Variants in CLDN10 observed in about 807,000 individuals in gnomAD.
The protein encoded by CLDN10 is claudin-10.
CLDN10 carries 15 observed loss-of-function variants against 22.9 expected under a neutral mutation model. That is an observed-to-expected ratio of 0.65 (90% CI 0.44 to 1.01). The LOEUF is 1.01. Ranked by LOEUF, CLDN10 falls within the 50% of genes least tolerant of loss-of-function variation. The pLI, the probability that CLDN10 is intolerant of heterozygous loss-of-function variation, is 0.00. For missense variants in CLDN10, 247 were observed against 287.8 expected, an observed-to-expected ratio of 0.86 and a Z score of 1.03; for synonymous variants, 114 against 111.4, an observed-to-expected ratio of 1.02 and a Z score of -0.15.
intron 1 of CLDN10, among the ~76,000 whole-genome samples, chr13:95,449,976 C>CAA (rs1391697973): frequency 3.3e-5 from 5 of 151,934 alleles, no homozygotes; most frequent in Non-Finnish European, 5.9e-5. Flanking sequence ...ATCCCCTGAC[C>CAA]TTGTGATCCG....
chr13:95,465,712 T>C (rs2042576629), intron 1 of CLDN10, among the ~76,000 whole-genome samples: 1 of 152,210 alleles, frequency 6.6e-6, no homozygotes, highest in African/African-American at 2.4e-5. Context: ...TAAAAGTAGA[T>C]TTACAAAGAT....
chr13:95,474,367 G>A (rs1434447954), intron 1 of CLDN10, among the ~76,000 whole-genome samples: 1 of 152,224 alleles, frequency 6.6e-6, no homozygotes, highest in Admixed American at 6.5e-5. Flanking sequence ...GGGAGCAGCT[G>A]CAGATACAGA....
intron 1 of CLDN10, among the ~76,000 whole-genome samples, chr13:95,461,722 C>T (rs2042537868): frequency 6.6e-6 from 1 of 152,206 alleles, no homozygotes; most frequent in Admixed American, 6.5e-5. Flanking sequence ...TAAATCAAAG[C>T]TACCACTTGA....
At chr13:95,479,497 A>T (rs945610316) in intron 1 of CLDN10, 1 of 152,330 alleles carries the variant, frequency 6.6e-6, no homozygotes, top group Non-Finnish European at 1.5e-5. Flanking sequence ...GCTATTTTTT[A>T]AAAAATACTT....
chr13:95,487,669 A>C (rs1347972194), intron 1 of CLDN10, among the ~76,000 whole-genome samples: 2 of 152,064 alleles, frequency 1.3e-5, no homozygotes, highest in African/African-American at 4.8e-5. Flanking sequence ...TATGGTTCTA[A>C]GTTTTTCTAA....
chr13:95,465,737 T>A (rs945392504), intron 1 of CLDN10, among the ~76,000 whole-genome samples: 2 of 152,210 alleles, frequency 1.3e-5, no homozygotes, highest in African/African-American at 4.8e-5. Flanking sequence ...TCCACTAGAT[T>A]CAAAAAGATA....
chr13:95,443,002 TAC>T (rs2042339148), intron 1 of CLDN10, among the ~76,000 whole-genome samples: 1 of 152,242 alleles, frequency 6.6e-6, no homozygotes, highest in African/African-American at 2.4e-5. Flanking sequence ...AATGAATGTA[TAC>T]AGTGTGTTTT....
chr13:95,549,765 A>G (rs2043545393), upstream of CLDN10, among the ~76,000 whole-genome samples: 1 of 152,220 alleles, frequency 6.6e-6, no homozygotes, highest in African/African-American at 2.4e-5. Flanking sequence ...AAAATTAACC[A>G]AGTCCACAGG....
intron 1 of CLDN10, among the ~76,000 whole-genome samples, chr13:95,501,275 A>G (rs1216200221): frequency 6.6e-6 from 1 of 152,116 alleles, no homozygotes; most frequent in African/African-American, 2.4e-5. Context: ...TGGCCTCCTG[A>G]AGTGCTGGGA....
chr13:95,569,657 C>T (rs111951046), intron 3 of CLDN10, among the ~76,000 whole-genome samples: 2,222 of 152,302 alleles, frequency 0.015, 24 homozygotes, highest in Non-Finnish European at 0.022. Context: ...TTGGTCACCT[C>T]TGTCATAGCA....
chr13:95,559,385 C>T (rs893610384), intron 1 of CLDN10, among the ~76,000 whole-genome samples: 39 of 152,294 alleles, frequency 2.6e-4, no homozygotes, highest in African/African-American at 8.9e-4. Flanking sequence ...ACTGACAGAA[C>T]ATACTCGTTA....
At chr13:95,442,979 T>A (rs1029854318) in intron 1 of CLDN10, among the ~76,000 whole-genome samples, 6 of 152,200 alleles carry the variant, frequency 3.9e-5, no homozygotes, top group Non-Finnish European at 8.8e-5. Flanking sequence ...TAGCATAAGG[T>A]CACTGGTTTT....
At chr13:95,562,914 C>T (rs1166768241) in intron 3 of CLDN10, among the ~76,000 whole-genome samples, 1 of 152,204 alleles carries the variant, frequency 6.6e-6, no homozygotes, top group Non-Finnish European at 1.5e-5. Flanking sequence ...TACTATAGCT[C>T]AGTCACCTAA....
At chr13:95,444,710 G>A (rs1181071877) in intron 1 of CLDN10, among the ~76,000 whole-genome samples, 3 of 152,208 alleles carry the variant, frequency 2.0e-5, no homozygotes, top group Non-Finnish European at 2.9e-5. Flanking sequence ...ATGTTTCTGA[G>A]AAGAATGCCT....
chr13:95,477,940 G>A (rs142619365), intron 1 of CLDN10, among the ~76,000 whole-genome samples: 1 of 152,200 alleles, frequency 6.6e-6, no homozygotes, highest in Non-Finnish European at 1.5e-5. Flanking sequence ...CATGTGAAAA[G>A]AAATGAGATC....
intron 1 of CLDN10, among the ~76,000 whole-genome samples, chr13:95,438,384 C>T (rs2042292503): frequency 6.6e-6 from 1 of 152,220 alleles, no homozygotes; most frequent in Admixed American, 6.5e-5. Flanking sequence ...GGATTACAGG[C>T]ATGGGCCATC....
At chr13:95,522,382 T>G (rs943815799) in intron 1 of CLDN10, among the ~76,000 whole-genome samples, 1 of 152,052 alleles carries the variant, frequency 6.6e-6, no homozygotes, top group African/African-American at 2.4e-5. Context: ...TGACAACTGA[T>G]TTTTATAACT....
At chr13:95,446,707 A>T (rs7996045) in intron 1 of CLDN10, among the ~76,000 whole-genome samples, 38,512 of 151,810 alleles carry the variant, frequency 0.25, 5,143 homozygotes, top group Non-Finnish European at 0.29. Context: ...CTGGGTGTGG[A>T]AGCAGGCACC....
At chr13:95,495,020 ATAAT>A (rs34849170) in intron 1 of CLDN10, among the ~76,000 whole-genome samples, 30 of 147,888 alleles carry the variant, frequency 2.0e-4, no homozygotes, top group East Asian at 6.0e-4. Context: ...TCCTTTCAAT[ATAAT>A]TAATTAATTA....
Sources: allele counts gnomAD v4.1 joint callset (sites outside exome capture counted in the v4.1 genomes callset), GRCh38; gene constraint gnomAD v4.1.1; transcripts MANE v1.5; gene names NCBI Gene and HGNC (gene_info 2026-07-23, HGNC 2026-07-21).